PLEKHG4B: variants seen among roughly 807,000 people sequenced by gnomAD.
PLEKHG4B encodes pleckstrin homology domain-containing family G member 4B.
Under a neutral mutation model 121.3 loss-of-function variants are expected in PLEKHG4B, and 111 were observed. The ratio of observed to expected loss-of-function variants is 0.92; its 90% CI spans 0.78 to 1.07. The LOEUF (loss-of-function observed/expected upper bound fraction) is 1.07, where lower values mean the gene tolerates loss of function less well. PLEKHG4B is among the 50% of genes least tolerant of loss of function. The pLI is 0.00. For missense variants in PLEKHG4B, 1,831 were observed against 1,757.8 expected (o/e 1.04, Z -0.74); for synonymous variants, 738 against 725.0 (o/e 1.02, Z -0.29).
intron 1 of PLEKHG4B, among the ~76,000 whole-genome samples, chr5:99,493 T>C (rs1024331240): frequency 1.3e-5 from 2 of 152,090 alleles, no homozygotes; most frequent in African/African-American, 4.8e-5. Context: ...TTAATTCTTT[T>C]AGATGCTATT....
intron 1 of PLEKHG4B, among the ~76,000 whole-genome samples, chr5:108,145 C>T (rs1734031240): frequency 6.6e-6 from 1 of 152,142 alleles, no homozygotes; most frequent in African/African-American, 2.4e-5. Flanking sequence ...GGGAGTAAGA[C>T]ATTTGCTGGG....
intron 7 of PLEKHG4B, 61 bp from the exon 8 acceptor site, chr5:154,814 C>A: frequency 7.8e-7 from 1 of 1,279,730 alleles, no homozygotes; most frequent in Non-Finnish European, 1.1e-6. Flanking sequence ...GAGCCATTTA[C>A]AGTGTTTGCC....
rs761767217 is a variant in PLEKHG4B at position 163,154 on chromosome 5, C to T, written c.3082C>T (p.Pro1028Ser). The T allele has an allele frequency of 1.9e-6, 3 of 1,560,350 alleles. No homozygotes were observed. The highest frequency in any genetic ancestry group is 1.7e-6 in the Non-Finnish European group (2 of 1,154,150). ...TGGACAGGACGGGGAGACCCTGCGCCCAGGGCTGTGTGCTCTGTGGGACCC... is the reference window on the plus strand; with the variant it reads ...TGGACAGGACGGGGAGACCCTGCGCTCAGGGCTGTGTGCTCTGTGGGACCC... ...LCGQDGETLR[P>S]GLCALWDPLS... The change falls in exon 13 of 20, where the codon CCA (proline) becomes TCA (serine). Residue 1028 changes from proline to serine, a missense_variant. Coordinates refer to ENST00000637938, the MANE Select transcript of PLEKHG4B (RefSeq NM_052909.5).
At chr5:116,124 G>A (rs879552916) in intron 2 of PLEKHG4B, among the ~76,000 whole-genome samples, 15 of 152,098 alleles carry the variant, frequency 9.9e-5, no homozygotes, top group South Asian at 2.1e-4. Flanking sequence ...TGACTTGAAC[G>A]CTTAGATGCC....
chr5:142,078 G>C (rs1017599293), intron 3 of PLEKHG4B, among the ~76,000 whole-genome samples: 2 of 152,154 alleles, frequency 1.3e-5, no homozygotes, highest in Admixed American at 1.3e-4. Context: ...GGAGAGTGCC[G>C]CACACACACG....
At chr5:173,179 G>A in intron 17 of PLEKHG4B, 112 bp downstream of exon 17, 2 of 1,059,656 alleles carry the variant, frequency 1.9e-6, no homozygotes, top group South Asian at 1.5e-5. Context: ...GTGAAGCGGG[G>A]AGGAGCCGCA....
chr5:133,469 T>C (rs574840252), intron 2 of PLEKHG4B, among the ~76,000 whole-genome samples: 1 of 152,022 alleles, frequency 6.6e-6, no homozygotes, highest in South Asian at 2.1e-4. Flanking sequence ...AAAAGTGGGC[T>C]AAGGACATGA....
chr5:157,251 C>G lies in PLEKHG4B; in HGVS notation c.2487+340C>G, dbSNP rs1735815577. On this transcript the variant is annotated intron_variant, in intron 11 of 19. Coordinates refer to ENST00000637938, the MANE Select transcript of PLEKHG4B (RefSeq NM_052909.5). The surrounding 1 kb of genome is among the most constrained non-coding windows in gnomAD (Gnocchi z 4.6). ...CTCCATGTGCATGCGTACACAGTGA[C>G]TGAGAAGCCGAGGTGAAACCGACAC... The G allele has an allele frequency of 2.9e-6, 1 of 344,792 alleles. No homozygotes were observed. Among genetic ancestry groups the G allele is most frequent in the African/African-American group, 2.1e-5 (1 of 47,004 alleles). 21.4% of individuals were successfully genotyped at this position (344,792 alleles called of 1,614,324 possible).
rs1735121251 is a variant in PLEKHG4B at position 140,345 on chromosome 5, C to T, written c.1106C>T (p.Ser369Phe). The change falls in exon 3 of 20, where the codon TCT becomes TTT. Residue 369 changes from serine to phenylalanine, a missense_variant. Transcript: ENST00000637938. The part of the protein sequence containing the change: ...ALRNPMPLGS[S>F]EEALGDLACS... ...CGGAACCCCATGCCCCTGGGCAGCT[C>T]TGAGGAGGCCCTCGGGGACCTGGCC... 2 of 1,551,164 alleles carry T rather than the reference C, an allele frequency of 1.3e-6. No homozygotes were observed. Among genetic ancestry groups the T allele is most frequent in the Non-Finnish European group, 1.7e-6 (2 of 1,148,628 alleles).
chr5:154,676 C>A (rs953832001), intron 7 of PLEKHG4B, among the ~76,000 whole-genome samples, 199 bp from the exon 8 acceptor site: 4 of 128,832 alleles, frequency 3.1e-5, no homozygotes, highest in Admixed American at 9.8e-5. Context: ...CTTCACTTGT[C>A]TTAGCTCCCT....
chr5:174,965 C>T (rs1034467341), intron 18 of PLEKHG4B, among the ~76,000 whole-genome samples: 3 of 152,098 alleles, frequency 2.0e-5, no homozygotes, highest in Non-Finnish European at 4.4e-5. Context: ...CCCATGGGCA[C>T]CCAAGAGGCC....
chr5:178,616 T>C (rs1266868552), intron 18 of PLEKHG4B, among the ~76,000 whole-genome samples: 2 of 152,228 alleles, frequency 1.3e-5, no homozygotes, highest in Non-Finnish European at 2.9e-5. Flanking sequence ...GTTCTGTCAA[T>C]TTTTGCTTCC....
intron 13 of PLEKHG4B, among the ~76,000 whole-genome samples, chr5:168,125 TCTC>T (rs1402582002): frequency 6.6e-6 from 1 of 152,140 alleles, no homozygotes; most frequent in African/African-American, 2.4e-5. Flanking sequence ...GGAGCCCACA[TCTC>T]CTGCAGATGT....
rs1452546965 is a variant in PLEKHG4B at position 154,293 on chromosome 5, C to T, written c.1993-582C>T. On this transcript the variant is annotated intron_variant, in intron 7 of 19. Coordinates refer to ENST00000637938, the MANE Select transcript of PLEKHG4B (RefSeq NM_052909.5). ...TGCTTGGATTACAGGCATGAGCCAC[C>T]GTGCCCAGCCCCTTCCCTTTCTTTT... Among the ~76,000 whole-genome samples the T allele has an allele frequency of 7.9e-5, 12 of 152,302 alleles. No homozygotes were observed. The South Asian group carries it at 1.7e-3, about 21-fold the overall frequency.
chr5:157,041 C>T lies in PLEKHG4B; in HGVS notation c.2487+130C>T. 8.0e-7 allele frequency: 1 copy of T among 1,244,832 alleles called. No homozygotes were observed. The highest frequency in any genetic ancestry group is 1.1e-6 in the Non-Finnish European group (1 of 869,608). The allele number at this position is 1,244,832 out of a possible 1,614,324, so 77.1% of individuals were successfully genotyped here. A position where few individuals can be genotyped will look rare whatever the true frequency, so the allele number is the denominator to read the frequency against. On this transcript the variant is annotated intron_variant, in intron 11 of 19. Transcript: ENST00000637938. The surrounding 1 kb of genome is among the most constrained non-coding windows in gnomAD (Gnocchi z 4.6). Reference sequence around the variant, plus strand: ...ATTTCCATTTGGAATGAAATTATGTCAGGATAGGGCATGCCTTGCTGCTTG... The same window carrying T: ...ATTTCCATTTGGAATGAAATTATGTTAGGATAGGGCATGCCTTGCTGCTTG...
At chr5:95,462 C>T (rs995888006) in intron 1 of PLEKHG4B, among the ~76,000 whole-genome samples, 2 of 152,162 alleles carry the variant, frequency 1.3e-5, no homozygotes, top group Admixed American at 6.5e-5. Context: ...TGGTCAGAGC[C>T]GACTTCGCCA....
At chr5:178,040 G>A (rs1435690243) in intron 18 of PLEKHG4B, among the ~76,000 whole-genome samples, 2 of 152,146 alleles carry the variant, frequency 1.3e-5, no homozygotes, top group East Asian at 1.9e-4. Flanking sequence ...TCCCTTTTCT[G>A]TTGGGGGAAC....
intron 3 of PLEKHG4B, among the ~76,000 whole-genome samples, chr5:142,471 CCA>C (rs1390414585): frequency 2.6e-5 from 4 of 151,754 alleles, no homozygotes; most frequent in Non-Finnish European, 4.4e-5. Flanking sequence ...ATCACATGCT[CCA>C]GAGTTACACA....
intron 6 of PLEKHG4B, among the ~76,000 whole-genome samples, chr5:149,577 A>C (rs1735537755): frequency 6.6e-6 from 1 of 152,184 alleles, no homozygotes; most frequent in South Asian, 2.1e-4. Context: ...CAACAGAGTA[A>C]AAAGGCAGCC....
Sources: gnomAD v4.1 joint callset for allele counts (sites outside exome capture counted in the v4.1 genomes callset) on GRCh38, gnomAD v4.1.1 for gene constraint, Gnocchi (gnomAD v3.1) non-coding constraint, MANE v1.5 for transcripts, NCBI Gene and HGNC (gene_info 2026-07-23, HGNC 2026-07-21) for gene names.